The following NFATC1 variants were observed in gnomAD, a reference collection of about 807,000 sequenced individuals.
NFATC1 encodes nuclear factor of activated T-cells, cytoplasmic 1.
NFATC1 carries 22 observed loss-of-function variants against 76.0 expected under a neutral mutation model. That is an observed-to-expected ratio of 0.29 (90% CI 0.21 to 0.41). The LOEUF is 0.41. Ranked by LOEUF, NFATC1 falls within the 10% of genes least tolerant of loss-of-function variation. NFATC1 has a pLI of 1.00. For missense variants in NFATC1, 1,357 were observed against 1,337.7 expected (o/e 1.01, Z -0.23); for synonymous variants, 704 against 613.1 (o/e 1.15, Z -2.19).
intron 2 of NFATC1, among the ~76,000 whole-genome samples, chr18:79,412,984 C>T (rs111327473): frequency 2.6e-5 from 4 of 152,148 alleles, no homozygotes; most frequent in African/African-American, 7.2e-5. Flanking sequence ...AATAAAAATC[C>T]CATTCAGTTG....
intron 9 of NFATC1, among the ~76,000 whole-genome samples, chr18:79,498,902 G>C (rs1410234959): frequency 2.0e-5 from 3 of 152,198 alleles, no homozygotes; most frequent in Non-Finnish European, 4.4e-5. Context: ...TGTCAACCAA[G>C]AATTCTATAT....
intron 8 of NFATC1, among the ~76,000 whole-genome samples, chr18:79,482,650 G>A (rs189885145): frequency 1.4e-5 from 2 of 138,080 alleles, no homozygotes; most frequent in Admixed American, 1.5e-4. Context: ...TCGTTCCTGG[G>A]GTGTAATTCC....
At position 79,527,463 on chromosome 18, in the gene NFATC1, T is replaced by TG. The variant is rs2090799437; in HGVS notation, c.2783-60dup. 1.1e-5 allele frequency: 15 copies of TG among 1,339,732 alleles called. 1 individual carries two copies. The Middle Eastern group carries it at 5.4e-4, about 48-fold the overall frequency. The allele number at this position is 1,339,732 out of a possible 1,614,324, so 83.0% of individuals were successfully genotyped here. On this transcript the variant is annotated intron_variant, in intron 9 of 9. Transcript: ENST00000427363. ...AGCGTCACTGATGGAGAAGCAGGGC[T>TG]GGGGGCGTTGCTTTGATGTTTATGG...
At chr18:79,398,457 C>A (rs2085075878) in intron 1 of NFATC1, among the ~76,000 whole-genome samples, 3 of 152,258 alleles carry the variant, frequency 2.0e-5, no homozygotes, top group Admixed American at 2.0e-4. Context: ...TGGAGACACC[C>A]AGTGTCTGTG....
intron 3 of NFATC1, among the ~76,000 whole-genome samples, chr18:79,446,822 G>T (rs562887740): frequency 1.3e-5 from 2 of 152,338 alleles, no homozygotes; most frequent in African/African-American, 4.8e-5. Context: ...GGGCATCTGC[G>T]CACATGGGGG....
intron 9 of NFATC1, among the ~76,000 whole-genome samples, chr18:79,499,298 CTTG>C (rs1228559563): frequency 2.0e-5 from 3 of 152,174 alleles, no homozygotes; most frequent in South Asian, 2.1e-4. Flanking sequence ...GACTAAGATG[CTTG>C]TTGTAATCTC....
At chr18:79,435,024 G>A (rs550086426) in intron 3 of NFATC1, among the ~76,000 whole-genome samples, 38 of 152,312 alleles carry the variant, frequency 2.5e-4, no homozygotes, top group African/African-American at 8.7e-4. Context: ...GCTGCACCAC[G>A]CTCCGTCACT....
chr18:79,400,491 C>G (rs1267302486), intron 1 of NFATC1: 1 of 1,429,904 alleles, frequency 7.0e-7, no homozygotes, highest in Non-Finnish European at 9.2e-7. Flanking sequence ...TGGGTCAGTC[C>G]CGGAGGGCGC....
Position 79,486,854 on chromosome 18 carries a change from A to G in NFATC1, c.2699A>G (p.Glu900Gly), listed in dbSNP as rs138493207. Residue 900 changes from glutamate (E) to glycine (G), a missense_variant, in exon 9 of 10, where the codon GAG becomes GGG. Physicochemically the swap from Glu to Gly is moderately conservative, Grantham distance 98. This residue lies in a region of NFATC1 where 424 missense variants were observed against 395.4 expected (regional missense o/e 1.07). Transcript: ENST00000427363. ...CCACGGCTGCTGCCAGAGGTGCATG[A>G]GGACGGTAGTCCTAATTTGGCCCCT... ...AGPRLLPEVH[E>G]DGSPNLAPIP... 61 of 1,611,930 alleles carry G rather than the reference A, an allele frequency of 3.8e-5. No individual in the cohort carries two copies. The highest frequency in any genetic ancestry group is 5.0e-5 in the Non-Finnish European group (59 of 1,179,540).
At chr18:79,452,090 C>T (rs969332935) in intron 6 of NFATC1, 1 of 328,512 alleles carries the variant, frequency 3.0e-6, no homozygotes, top group African/African-American at 2.2e-5. Context: ...CTCAGGGAGC[C>T]CACGGGCTGG....
intron 8 of NFATC1, among the ~76,000 whole-genome samples, chr18:79,477,192 C>T (rs1056868989): frequency 2.0e-5 from 3 of 152,196 alleles, no homozygotes; most frequent in Non-Finnish European, 4.4e-5. Context: ...GGTGTCATTC[C>T]TGGTTGTTTA....
chr18:79,463,056 AC>A (rs2088206554), intron 7 of NFATC1, among the ~76,000 whole-genome samples: 1 of 152,146 alleles, frequency 6.6e-6, no homozygotes, highest in African/African-American at 2.4e-5. Flanking sequence ...AGCGTCTTCC[AC>A]CCTGCGACTT....
intron 9 of NFATC1, among the ~76,000 whole-genome samples, chr18:79,516,784 C>T (rs560784143): frequency 6.0e-4 from 91 of 152,216 alleles, no homozygotes; most frequent in Non-Finnish European, 7.1e-4. Context: ...ACACGATATA[C>T]GTACAGTGGA....
At position 79,469,625 on chromosome 18, in the gene NFATC1, GTC is replaced by G. The variant is rs1330243249; in HGVS notation, c.2092+2046_2092+2047del. The G allele has an allele frequency of 2.0e-5, 20 of 985,918 alleles. No individual in the cohort carries two copies. The East Asian group carries it at 2.0e-3, about 101-fold the overall frequency. 61.1% of individuals were successfully genotyped at this position (985,918 alleles called of 1,614,324 possible). A position where few individuals can be genotyped will look rare whatever the true frequency, so the allele number is the denominator to read the frequency against. ...ATCTCTCCTGCACCCCCTGCCCAGT[GTC>G]TCGGCTGCACCCTCCACCCCCCATC... On this transcript the variant is annotated intron_variant, in intron 8 of 9. Coordinates refer to ENST00000427363, the MANE Select transcript of NFATC1 (RefSeq NM_001278669.2).
intron 3 of NFATC1, among the ~76,000 whole-genome samples, chr18:79,436,481 C>T (rs1475932211): frequency 3.9e-5 from 6 of 152,218 alleles, no homozygotes; most frequent in African/African-American, 1.4e-4. Context: ...TGTCAGCTCT[C>T]GCGGCCAGGG....
chr18:79,452,045 C>T (rs2087497505), intron 6 of NFATC1: 1 of 455,628 alleles, frequency 2.2e-6, no homozygotes, highest in South Asian at 4.4e-5. Context: ...ATTTCTGGGG[C>T]CGCCGGGGCC....
At chr18:79,444,703 C>G (rs2087125644) in intron 3 of NFATC1, among the ~76,000 whole-genome samples, 1 of 151,898 alleles carries the variant, frequency 6.6e-6, no homozygotes, top group Non-Finnish European at 1.5e-5. Context: ...GCAGACCACA[C>G]CGGCACTGCA....
intron 3 of NFATC1, among the ~76,000 whole-genome samples, chr18:79,439,969 C>T (rs746685126): frequency 3.9e-5 from 6 of 152,182 alleles, no homozygotes; most frequent in Non-Finnish European, 7.4e-5. Flanking sequence ...TGGAGATTTA[C>T]TGGCACGGGG....
intron 3 of NFATC1, among the ~76,000 whole-genome samples, chr18:79,444,284 A>G (rs537734328): frequency 6.6e-5 from 10 of 152,154 alleles, no homozygotes; most frequent in African/African-American, 2.4e-4. Flanking sequence ...ACGTGTGTTC[A>G]CAGAACACCA....
Sources: gnomAD v4.1 joint callset for allele counts (sites outside exome capture counted in the v4.1 genomes callset) on GRCh38, gnomAD v4.1.1 for gene constraint, gnomAD v4.1.1 regional missense constraint, MANE v1.5 for transcripts, NCBI Gene and HGNC (gene_info 2026-07-23, HGNC 2026-07-21) for gene names.